PAFAH2: variants seen among roughly 807,000 people sequenced by gnomAD.
The protein encoded by PAFAH2 is platelet-activating factor acetylhydrolase 2, cytoplasmic.
Under a neutral mutation model 49.0 loss-of-function variants are expected in PAFAH2, and 42 were observed. The ratio of observed to expected loss-of-function variants is 0.86; its 90% CI spans 0.67 to 1.11. The LOEUF is 1.11. PAFAH2 is among the 50% of genes least tolerant of loss of function. The pLI, the probability that PAFAH2 is intolerant of heterozygous loss-of-function variation, is 0.00. For synonymous variants in PAFAH2, 184 were observed against 181.3 expected, an observed-to-expected ratio of 1.01 and a Z score of -0.12; for missense variants, 503 against 501.8, an observed-to-expected ratio of 1.00 and a Z score of -0.02.
Position 25,982,482 on chromosome 1 carries a change from A to G in PAFAH2, c.553-5T>C, listed in dbSNP as rs2049705881. 1 of 1,606,382 alleles carries G rather than the reference A, an allele frequency of 6.2e-7. No homozygotes were observed. Among genetic ancestry groups the G allele is most frequent in the Non-Finnish European group, 8.5e-7 (1 of 1,173,196 alleles). On this transcript the variant is annotated splice_region_variant and splice_polypyrimidine_tract_variant and intron_variant, in intron 6 of 10. Coordinates refer to ENST00000374282, the MANE Select transcript of PAFAH2 (RefSeq NM_000437.4). ...CTCGCTTACCCGCTGATGCACCTGC[A>G]ACAGAGACAGTCCCAGTGGGACTGG...
intron 3 of PAFAH2, among the ~76,000 whole-genome samples, chr1:25,988,965 T>C (rs1205677806): frequency 1.3e-5 from 2 of 152,054 alleles, no homozygotes; most frequent in African/African-American, 2.4e-5. Context: ...AATGTTACCC[T>C]ACTCAGAAGA....
intron 10 of PAFAH2, among the ~76,000 whole-genome samples, chr1:25,964,572 A>G (rs1026526230): frequency 6.6e-6 from 1 of 152,164 alleles, no homozygotes; most frequent in Admixed American, 6.6e-5. Context: ...AAACAAAAAT[A>G]TCAGTAGCAT....
Position 25,980,165 on chromosome 1 carries a change from C to A in PAFAH2, c.666+2199G>T, listed in dbSNP as rs1439112029. On this transcript the variant is annotated intron_variant, in intron 7 of 10. Coordinates refer to ENST00000374282, the MANE Select transcript of PAFAH2 (RefSeq NM_000437.4). ...CTGTAGAATCAAAAAGCCCCAATTT[C>A]ATGTTTGACTCTACCACTTACTTAG... 2.0e-5 allele frequency among the ~76,000 whole-genome samples: 3 copies of A among 152,218 alleles called. No individual in the cohort carries two copies. In the East Asian group the frequency reaches 5.8e-4, roughly 29 times the overall value.
intron 7 of PAFAH2, among the ~76,000 whole-genome samples, chr1:25,982,025 A>G (rs2049696653): frequency 6.6e-6 from 1 of 151,910 alleles, no homozygotes; most frequent in South Asian, 2.1e-4. Flanking sequence ...TGTCTCCAAA[A>G]AAAAAAAAAA....
At chr1:25,983,835 A>T in intron 6 of PAFAH2, 111 bp downstream of exon 6, 2 of 1,197,206 alleles carry the variant, frequency 1.7e-6, no homozygotes, top group Non-Finnish European at 2.4e-6. Flanking sequence ...GCAAACTCAG[A>T]CCCACTATGA....
chr1:25,987,237 A>AAAAATAAAAAAAAAT (rs2049795957), intron 4 of PAFAH2, among the ~76,000 whole-genome samples: 1 of 133,826 alleles, frequency 7.5e-6, no homozygotes, highest in Admixed American at 7.7e-5. Context: ...CTGTCTCAGA[A>AAAAATAAAAAAAAAT]AAAATAAAAT....
In PAFAH2 at chr1:25,973,621, G is replaced by A. The variant is rs552949570; in HGVS notation, c.929+859C>T. ...CTACTGCCATGAAACCTAACTGAAC[G>A]AGGAGGGGTGGCCCTAGGAAAGAGG... On this transcript the variant is annotated intron_variant, in intron 9 of 10. Coordinates refer to ENST00000374282, the MANE Select transcript of PAFAH2 (RefSeq NM_000437.4). Among the ~76,000 whole-genome samples the A allele has an allele frequency of 5.3e-5, 8 of 152,220 alleles. No homozygotes were observed. In the East Asian group the frequency reaches 1.5e-3, roughly 29 times the overall value.
chr1:25,966,195 G>A (rs1404561631), intron 10 of PAFAH2, among the ~76,000 whole-genome samples: 2 of 152,124 alleles, frequency 1.3e-5, no homozygotes, highest in African/African-American at 4.8e-5. Context: ...CAACTTCCAT[G>A]GAAAACGGTA....
In PAFAH2 at chr1:25,984,415, C is replaced by A. The variant is rs764373238; in HGVS notation, c.410+45G>T. 4.9e-6 allele frequency: 7 copies of A among 1,419,462 alleles called. 1 individual carries two copies. The South Asian group carries it at 8.1e-5, about 16-fold the overall frequency. The allele number at this position is 1,419,462 out of a possible 1,614,324, so 87.9% of individuals were successfully genotyped here. On this transcript the variant is annotated intron_variant, in intron 5 of 10. Transcript: ENST00000374282. ...ACATTGATAGGGGACTAGCCTATAT[C>A]CTAGCTCACTGCAGGCACCCAATCC...
chr1:25,962,086 G>GA lies in PAFAH2; in HGVS notation c.1085-4dup. 3.7e-6 allele frequency: 6 copies of GA among 1,608,392 alleles called. No homozygotes were observed. The highest frequency in any genetic ancestry group is 5.1e-6 in the Non-Finnish European group (6 of 1,176,734). On this transcript the variant is annotated splice_polypyrimidine_tract_variant and splice_region_variant and intron_variant, in intron 10 of 10. Coordinates refer to ENST00000374282, the MANE Select transcript of PAFAH2 (RefSeq NM_000437.4). ...TTGATTATAGTCTTCTTTCAGGTCT[G>GA]AAAAGGAAAAAAACAGGAACATTAG...
At chr1:25,983,399 A>T (rs12239914) in intron 6 of PAFAH2, among the ~76,000 whole-genome samples, 1 of 151,458 alleles carries the variant, frequency 6.6e-6, no homozygotes. Flanking sequence ...AAATAAAAAT[A>T]AAAAAAAATT....
At chr1:25,973,369 A>C (rs2049538488) in intron 9 of PAFAH2, among the ~76,000 whole-genome samples, 1 of 152,222 alleles carries the variant, frequency 6.6e-6, no homozygotes, top group Non-Finnish European at 1.5e-5. Flanking sequence ...GAGAATCTAA[A>C]TGCTAAAGTA....
In PAFAH2 at chr1:25,989,597, C is replaced by T. The variant is rs1291818111; in HGVS notation, c.95G>A (p.Ser32Asn). 2 of 1,573,560 alleles carry T rather than the reference C, an allele frequency of 1.3e-6. No homozygotes were observed. Among genetic ancestry groups the T allele is most frequent in the African/African-American group, 1.4e-5 (1 of 73,332 alleles). The change falls in exon 3 of 11, where the codon AGC becomes AAC. Residue 32 changes from serine to asparagine, a missense_variant. Ser to Asn is a conservative substitution (Grantham distance 46). Coordinates refer to ENST00000374282, the MANE Select transcript of PAFAH2 (RefSeq NM_000437.4). ...DVMEGQNLQG[S>N]FFRLFYPCQK... is the part of the protein sequence containing the mutation. Reference sequence around the variant, plus strand: ...GCAGGGGTAGAAGAGTCGAAAGAAGCTCCCCTGTAGGAAAGAAGAGAGCAG... The same window carrying T: ...GCAGGGGTAGAAGAGTCGAAAGAAGTTCCCCTGTAGGAAAGAAGAGAGCAG...
chr1:25,984,049 G>A lies in PAFAH2; in HGVS notation c.449C>T (p.Ala150Val), dbSNP rs1572358041. Residue 150 changes from alanine (A) to valine (V), a missense_variant, in exon 6 of 11, where the codon GCC becomes GTC. Ala to Val is a moderately conservative substitution (Grantham distance 64). Coordinates refer to ENST00000374282, the MANE Select transcript of PAFAH2 (RefSeq NM_000437.4). ...ATTGGTGGGCTGGTTCTCTTCTGGG[G>A]CCTGCTTGCAGAAATAGGTGGTTGC... is the stretch of plus-strand genomic sequence containing the variant. ...SAATTYFCKQ[A>V]PEENQPTNES... 6.2e-7 allele frequency: 1 copy of A among 1,614,126 alleles called. No individual in the cohort carries two copies. The highest frequency in any genetic ancestry group is 8.5e-7 in the Non-Finnish European group (1 of 1,180,004).
At chr1:25,975,522 G>C (rs901898268) in intron 8 of PAFAH2, among the ~76,000 whole-genome samples, 5 of 152,120 alleles carry the variant, frequency 3.3e-5, no homozygotes, top group Non-Finnish European at 7.4e-5. Context: ...GCTGCAGTGA[G>C]CTGATTGTAC....
rs149203920 is a variant in PAFAH2, at chr1:25,986,005, C to G, written c.342-1477G>C. 6.2e-3 allele frequency among the ~76,000 whole-genome samples: 950 copies of G among 152,348 alleles called. 17 individuals carry two copies. The highest frequency in any genetic ancestry group is 0.031 in the East Asian group (162 of 5,188). Reference sequence around the variant, plus strand: ...ATACTTATGGCTAAACAACTACTTTCCAGGCACTGTCCTAGAAGCCAGAGC... The same window carrying G: ...ATACTTATGGCTAAACAACTACTTTGCAGGCACTGTCCTAGAAGCCAGAGC... On this transcript the variant is annotated intron_variant, in intron 4 of 10. Coordinates refer to ENST00000374282, the MANE Select transcript of PAFAH2 (RefSeq NM_000437.4).
chr1:25,988,037 G>C (rs536200638), intron 4 of PAFAH2, among the ~76,000 whole-genome samples, 194 bp downstream of exon 4: 13 of 152,310 alleles, frequency 8.5e-5, no homozygotes, highest in South Asian at 4.1e-4. Flanking sequence ...CTGCTGAAAG[G>C]CTCCACAAGG....
At position 25,989,480 on chromosome 1, in the gene PAFAH2, C is replaced by T. The variant is rs376372397; in HGVS notation, c.212G>A (p.Arg71His). Reference protein sequence around the residue: ...GLAEYLQFNKRCGGLLFNLAV... With the variant: ...GLAEYLQFNKHCGGLLFNLAV... The stretch of plus-strand genomic sequence containing the variant: ...CAGGTTGAACAGCAAGCCCCCGCAG[C>T]GCTTATTAAACTGCAGGTACTCGGC... The change falls in exon 3 of 11, where the codon CGC becomes CAC. Residue 71 changes from arginine to histidine, a missense_variant. By Grantham distance (29) the Arg-to-His change is conservative. Coordinates refer to ENST00000374282, the MANE Select transcript of PAFAH2 (RefSeq NM_000437.4). The T allele has an allele frequency of 6.4e-5, 103 of 1,609,216 alleles. No individual in the cohort carries two copies. Among genetic ancestry groups the T allele is most frequent in the Middle Eastern group, 1.7e-4 (1 of 6,058 alleles).
rs530294419 is a variant in PAFAH2, at chr1:25,960,921, T to A, written c.*1068A>T. On this transcript the variant is annotated 3_prime_UTR_variant, in exon 11 of 11. Coordinates refer to ENST00000374282, the MANE Select transcript of PAFAH2 (RefSeq NM_000437.4). ...CCTAGGTTCAAGTGATTCTTCTGCT[T>A]CAGCCTCCTGAGTAGCTGGGATTAT... 2 of 152,236 alleles carry A rather than the reference T, an allele frequency of 1.3e-5. No homozygotes were observed. Among genetic ancestry groups the A allele is most frequent in the African/African-American group, 4.8e-5 (2 of 41,518 alleles). The allele number at this position is 152,236 out of a possible 1,614,324, so 9.4% of individuals were successfully genotyped here.
Sources: allele counts gnomAD v4.1 joint callset (sites outside exome capture counted in the v4.1 genomes callset), GRCh38; gene constraint gnomAD v4.1.1; transcripts MANE v1.5; gene names NCBI Gene and HGNC (gene_info 2026-07-23, HGNC 2026-07-21).